DNAH17: variants seen among roughly 807,000 people sequenced by gnomAD.
DNAH17 encodes the protein dynein axonemal heavy chain 17.
A neutral mutation model predicts 485.6 loss-of-function variants in DNAH17; 376 were observed. The observed-to-expected ratio is 0.77, with a 90% CI of 0.71 to 0.84. The LOEUF is 0.84. Among genes scored for constraint, DNAH17 ranks in the 40% least tolerant of loss-of-function variants. The pLI is 0.00. For synonymous variants in DNAH17, 3,031 were observed against 2,405.9 expected, an observed-to-expected ratio of 1.26 and a Z score of -7.60; for missense variants, 6,370 against 5,839.3, an observed-to-expected ratio of 1.09 and a Z score of -2.96.
chr17:78,488,143 C>G (rs2089694187), intron 44 of DNAH17, among the ~76,000 whole-genome samples: 1 of 152,192 alleles, frequency 6.6e-6, no homozygotes, highest in African/African-American at 2.4e-5. Context: ...GTAGGAGTCA[C>G]TGAGTGCGGG....
At chr17:78,484,267 G>C (rs11871277) in intron 48 of DNAH17, among the ~76,000 whole-genome samples, 114,192 of 151,636 alleles carry the variant, frequency 0.75, 43,140 homozygotes, top group Admixed American at 0.83. Flanking sequence ...GGCACCCTCT[G>C]CCTCTGGCTC....
chr17:78,432,782 C>A (rs910844641), intron 75 of DNAH17, among the ~76,000 whole-genome samples: 2 of 152,260 alleles, frequency 1.3e-5, no homozygotes, highest in East Asian at 3.9e-4. Context: ...CATTGCCAGG[C>A]CAGGCTTCCC....
intron 11 of DNAH17, among the ~76,000 whole-genome samples, chr17:78,566,097 C>T (rs1333972171): frequency 6.6e-6 from 1 of 151,714 alleles, no homozygotes; most frequent in Non-Finnish European, 1.5e-5. Flanking sequence ...CGGAAGTAGA[C>T]CCTCACCAGA....
At chr17:78,475,527 C>A (rs2088974534) in intron 53 of DNAH17, 58 bp from the exon 54 acceptor site, 1 of 1,610,132 alleles carries the variant, frequency 6.2e-7, no homozygotes, top group East Asian at 2.2e-5. Flanking sequence ...ACCTCTGTCA[C>A]CAGCACGGAC....
In DNAH17 at chr17:78,492,744, T is replaced by C. The variant is rs1376463307; in HGVS notation, c.6430A>G (p.Thr2144Ala). 1 of 1,612,250 alleles carries C rather than the reference T, an allele frequency of 6.2e-7. No individual in the cohort carries two copies. Among genetic ancestry groups the C allele is most frequent in the Non-Finnish European group, 8.5e-7 (1 of 1,179,256 alleles). The change falls in exon 42 of 81, where the codon ACC (threonine) becomes GCC (alanine). Residue 2144 changes from threonine (T) to alanine (A), a missense_variant. Transcript: ENST00000389840. ...KSQVLKSLNK[T>A]YQNLKRKPVA... Reference sequence around the variant, plus strand: ...GGCTTCCTCTTCAGGTTCTGATAGGTCTTGTTGAGGGATTTGAGGACCTGG... The same window carrying C: ...GGCTTCCTCTTCAGGTTCTGATAGGCCTTGTTGAGGGATTTGAGGACCTGG...
rs766945917 is a variant in DNAH17 at position 78,479,099 on chromosome 17, T to C, written c.7918A>G (p.Thr2640Ala). The change falls in exon 51 of 81, where the codon ACG becomes GCG. Residue 2640 changes from threonine (T) to alanine (A), a missense_variant. By Grantham distance (58) the Thr-to-Ala change is moderately conservative. Transcript: ENST00000389840. ...ATGGCCGTGGGAAGAAATGTTGCCGTGATTTTCTGATGCAAAGCTGTTAGA... is the reference window on the plus strand; with the variant it reads ...ATGGCCGTGGGAAGAAATGTTGCCGCGATTTTCTGATGCAAAGCTGTTAGA... ...AAALALHQKI[T>A]ATFLPTAIKF... 7 of 1,613,974 alleles carry C rather than the reference T, an allele frequency of 4.3e-6. No individual in the cohort carries two copies. Among genetic ancestry groups the C allele is most frequent in the Admixed American group, 3.3e-5 (2 of 60,024 alleles).
At chr17:78,434,269 C>T (rs755666408) in intron 74 of DNAH17, 49 bp from the exon 75 acceptor site, 12 of 1,547,330 alleles carry the variant, frequency 7.8e-6, no homozygotes, top group Admixed American at 1.8e-5. Context: ...GAGAAGTTTA[C>T]ACAGAAATGC....
intron 11 of DNAH17, among the ~76,000 whole-genome samples, chr17:78,563,717 G>T (rs2092208120): frequency 6.6e-6 from 1 of 152,124 alleles, no homozygotes; most frequent in Admixed American, 6.5e-5. Flanking sequence ...TCCTGGCTGT[G>T]TGCGAGTTGC....
At chr17:78,429,675 T>C (rs2086606666) in intron 75 of DNAH17, among the ~76,000 whole-genome samples, 1 of 152,218 alleles carries the variant, frequency 6.6e-6, no homozygotes, top group African/African-American at 2.4e-5. Flanking sequence ...TCGCTCCCTC[T>C]GCCTCTCCCA....
chr17:78,428,648 C>T lies in DNAH17; in HGVS notation c.12465G>A (p.Leu4155=). 6.2e-7 allele frequency: 1 copy of T among 1,614,002 alleles called. No individual in the cohort carries two copies. Among genetic ancestry groups the T allele is most frequent in the East Asian group, 2.2e-5 (1 of 44,884 alleles). The part of the protein sequence containing the change: ...LPPESPYLYG[L]HPNAEIGFLT... ...GAAAGCCAATCTCTGCGTTGGGGTG[C>T]AGGCCATACAGATAGGGACTCTCAG... is the stretch of plus-strand genomic sequence containing the variant. Residue 4155 remains leucine, a synonymous_variant, in exon 77 of 81, where the codon CTG becomes CTA. Transcript: ENST00000389840.
chr17:78,445,435 T>G (rs530196946), intron 70 of DNAH17, 123 bp downstream of exon 70: 1 of 1,383,354 alleles, frequency 7.2e-7, no homozygotes, highest in Admixed American at 2.6e-5. Context: ...GGGGCCTCCT[T>G]GCTTTACTGA....
intron 70 of DNAH17, 121 bp from the exon 71 acceptor site, chr17:78,444,918 A>T: frequency 1.9e-6 from 2 of 1,037,020 alleles, no homozygotes; most frequent in South Asian, 3.8e-5. Flanking sequence ...GGGCTCTGGG[A>T]TAAGGAAGCC....
At chr17:78,520,165 A>G (rs1169931882) in intron 25 of DNAH17, among the ~76,000 whole-genome samples, 2 of 152,208 alleles carry the variant, frequency 1.3e-5, no homozygotes, top group East Asian at 3.8e-4. Flanking sequence ...ACAAAAATCA[A>G]TCATATCAGT....
At chr17:78,445,356 T>C (rs182854776) in intron 70 of DNAH17, among the ~76,000 whole-genome samples, 146 of 152,278 alleles carry the variant, frequency 9.6e-4, no homozygotes, top group Middle Eastern at 3.4e-3. Flanking sequence ...ACATGTCACA[T>C]TCCCTATAGG....
chr17:78,518,803 CT>C (rs1177053039), intron 25 of DNAH17, among the ~76,000 whole-genome samples: 8 of 152,118 alleles, frequency 5.3e-5, no homozygotes, highest in African/African-American at 1.7e-4. Context: ...ACAGTGTGTT[CT>C]TTGACCATAA....
At chr17:78,548,201 CCTT>C (rs952211287) in intron 16 of DNAH17, among the ~76,000 whole-genome samples, 3 of 54,188 alleles carry the variant, frequency 5.5e-5, no homozygotes, top group Non-Finnish European at 7.6e-5. Flanking sequence ...GATGTCATGG[CCTT>C]TTTTTTTTTT....
intron 37 of DNAH17, chr17:78,498,806 G>A: frequency 2.2e-6 from 1 of 464,078 alleles, no homozygotes; most frequent in Non-Finnish European, 3.8e-6. Context: ...CATGTAACCT[G>A]TAATCTGATT....
At chr17:78,571,930 CG>C (rs1012850516) in intron 3 of DNAH17, 148 bp from the exon 4 acceptor site, 9 of 718,386 alleles carry the variant, frequency 1.3e-5, no homozygotes, top group South Asian at 8.0e-5. Context: ...CCAGCCACCT[CG>C]GGGACGCTAA....
intron 44 of DNAH17, 49 bp from the exon 45 acceptor site, chr17:78,486,555 C>T (rs1429887962): frequency 6.4e-7 from 1 of 1,552,844 alleles, no homozygotes; most frequent in Non-Finnish European, 8.7e-7. Context: ...TCTGGGTCTG[C>T]CAGTGTCCCT....
Sources: allele counts gnomAD v4.1 joint callset (sites outside exome capture counted in the v4.1 genomes callset), GRCh38; gene constraint gnomAD v4.1.1; transcripts MANE v1.5; gene names NCBI Gene and HGNC (gene_info 2026-07-23, HGNC 2026-07-21).